The following PLA2G4D variants were observed in gnomAD, a reference collection of about 807,000 sequenced individuals.
PLA2G4D encodes cytosolic phospholipase A2 delta.
In PLA2G4D, 80 loss-of-function variants were observed where a neutral mutation model predicts 94.4. The ratio of observed to expected loss-of-function variants is 0.85; its 90% CI spans 0.71 to 1.02. The LOEUF (loss-of-function observed/expected upper bound fraction) is 1.02, where lower values mean the gene tolerates loss of function less well. Ranked by LOEUF, PLA2G4D falls within the 50% of genes least tolerant of loss-of-function variation. The pLI, the probability that PLA2G4D is intolerant of heterozygous loss-of-function variation, is 0.00. For missense variants in PLA2G4D, 1,050 were observed against 1,034.7 expected (o/e 1.01, Z -0.20); for synonymous variants, 438 against 440.9 (o/e 0.99, Z 0.08).
At position 42,081,927 on chromosome 15, in the gene PLA2G4D, CTTTTTTTT is replaced by C. The variant is rs398027016; in HGVS notation, c.784-101_784-94del. 1.7e-5 allele frequency: 12 copies of C among 704,604 alleles called. No homozygotes were observed. In the East Asian group the frequency reaches 1.9e-4, roughly 11 times the overall value. 43.6% of individuals were successfully genotyped at this position (704,604 alleles called of 1,614,324 possible). A position where few individuals can be genotyped will look rare whatever the true frequency, so the allele number is the denominator to read the frequency against. On this transcript the variant is annotated intron_variant, in intron 9 of 19. Coordinates refer to ENST00000290472, the MANE Select transcript of PLA2G4D (RefSeq NM_178034.4). Reference sequence around the variant, plus strand: ...GGACTTGGTCCCCTTCATCTTCATTCTTTTTTTTTTTTTTTTTTTTTGAGACAGAGTTT... The same window carrying C: ...GGACTTGGTCCCCTTCATCTTCATTCTTTTTTTTTTTTTGAGACAGAGTTT...
Position 42,086,194 on chromosome 15 carries a change from T to TTGGGGGGGGGGGGCCCCC in PLA2G4D, c.387+18_387+19insGGGGGCCCCCCCCCCCCA. 1.5e-6 allele frequency: 2 copies of TTGGGGGGGGGGGGCCCCC among 1,370,440 alleles called. No individual in the cohort carries two copies. Among genetic ancestry groups the TTGGGGGGGGGGGGCCCCC allele is most frequent in the Non-Finnish European group, 9.6e-7 (1 of 1,043,082 alleles). 84.9% of individuals were successfully genotyped at this position (1,370,440 alleles called of 1,614,324 possible). ...GGAAGAAGTGGGGCCCACGGGGACTTCCCCACCCACCCACCCACCTGGGGA... is the reference window on the plus strand; with the variant it reads ...GGAAGAAGTGGGGCCCACGGGGACTTTGGGGGGGGGGGGCCCCCCCCCACCCACCCACCCACCTGGGGA... On this transcript the variant is annotated intron_variant, in intron 4 of 19. Transcript: ENST00000290472.
At chr15:42,085,405 G>T in intron 5 of PLA2G4D, 86 bp downstream of exon 5, 1 of 1,463,288 alleles carries the variant, frequency 6.8e-7, no homozygotes, top group Non-Finnish European at 9.6e-7. Context: ...AGTCAGGCTG[G>T]ACTGACCACA....
chr15:42,073,225 C>T (rs1889861312), intron 13 of PLA2G4D, among the ~76,000 whole-genome samples: 1 of 152,194 alleles, frequency 6.6e-6, no homozygotes, highest in Non-Finnish European at 1.5e-5. Flanking sequence ...TCTCAAATTC[C>T]TGAGCTCAAG....
rs769510865 is a variant in PLA2G4D, at chr15:42,085,625, C to T, written c.388-94G>A. The T allele has an allele frequency of 8.3e-5, 111 of 1,332,100 alleles. No homozygotes were observed. The Middle Eastern group carries it at 1.1e-3, about 13-fold the overall frequency. The allele number at this position is 1,332,100 out of a possible 1,614,324, so 82.5% of individuals were successfully genotyped here. ...ACAGGTGTCATCTCATCCTCTCAAG[C>T]GGTCTCCAAGGGAGGCACGTTAGTA... On this transcript the variant is annotated intron_variant, in intron 4 of 19. Transcript: ENST00000290472.
At position 42,085,226 on chromosome 15, in the gene PLA2G4D, G is replaced by A. The variant is rs1890118740; in HGVS notation, c.429-88C>T. ...GTGGGGTCTCCCTGGGTGATGCTGAGGGCTCTGTAAGTCCTGGATTCGGTT... is the reference window on the plus strand; with the variant it reads ...GTGGGGTCTCCCTGGGTGATGCTGAAGGCTCTGTAAGTCCTGGATTCGGTT... On this transcript the variant is annotated intron_variant, in intron 5 of 19. Transcript: ENST00000290472. 3 of 1,491,492 alleles carry A rather than the reference G, an allele frequency of 2.0e-6. No individual in the cohort carries two copies. In the Admixed American group the frequency reaches 5.1e-5, roughly 25 times the overall value. 92.4% of individuals were successfully genotyped at this position (1,491,492 alleles called of 1,614,324 possible). A position where few individuals can be genotyped will look rare whatever the true frequency, so the allele number is the denominator to read the frequency against.
At position 42,068,735 on chromosome 15, in the gene PLA2G4D, G is replaced by A; in HGVS notation, c.2437C>T (p.Pro813Ser). 6.2e-7 allele frequency: 1 copy of A among 1,608,382 alleles called. No individual in the cohort carries two copies. Among genetic ancestry groups the A allele is most frequent in the Non-Finnish European group, 8.5e-7 (1 of 1,177,228 alleles). Residue 813 changes from proline to serine, a missense_variant, in exon 20 of 20, where the codon CCT (proline) becomes TCT (serine). Transcript: ENST00000290472. ...CAACCTCAGGTCTGTGCCCTTGGAG[G>A]CCTCGCCTCTAGAGTCCGGTGCTTC... is the stretch of plus-strand genomic sequence containing the variant. ...ALKHRTLEAR[P>S]PRAQT
chr15:42,072,486 G>A (rs1595590933), intron 13 of PLA2G4D, 94 bp from the exon 14 acceptor site: 2 of 987,920 alleles, frequency 2.0e-6, no homozygotes, highest in East Asian at 4.8e-5. Context: ...GGACCTGGCT[G>A]GGGGTGAGGA....
In PLA2G4D at chr15:42,071,986, C is replaced by T. The variant is rs1009714142; in HGVS notation, c.1436-75G>A. 3.3e-5 allele frequency: 50 copies of T among 1,532,210 alleles called. No individual in the cohort carries two copies. In the Admixed American group the frequency reaches 9.2e-4, roughly 28 times the overall value. 94.9% of individuals were successfully genotyped at this position (1,532,210 alleles called of 1,614,324 possible). On this transcript the variant is annotated intron_variant, in intron 14 of 19. Transcript: ENST00000290472. ...GAGTCCCCAGCTCTGGCGAAAGACACTGCCCCTGCCCCCAGCAGGCCTGAG... is the reference window on the plus strand; with the variant it reads ...GAGTCCCCAGCTCTGGCGAAAGACATTGCCCCTGCCCCCAGCAGGCCTGAG...
At chr15:42,092,133 C>G (rs999831559) in intron 1 of PLA2G4D, among the ~76,000 whole-genome samples, 2 of 152,124 alleles carry the variant, frequency 1.3e-5, no homozygotes, top group African/African-American at 4.8e-5. Context: ...ACCCACCGAC[C>G]CTGTGGGGCT....
chr15:42,071,487 C>G lies in PLA2G4D; in HGVS notation c.1638G>C (p.Gly546=), dbSNP rs763521202. 1 of 1,613,944 alleles carries G rather than the reference C, an allele frequency of 6.2e-7. No individual in the cohort carries two copies. Among genetic ancestry groups the G allele is most frequent in the South Asian group, 1.1e-5 (1 of 91,066 alleles). ...LDAWYDLTSS[G]ESWKQHIKDK... Reference sequence around the variant, plus strand: ...CCTTGATGTGCTGTTTCCAGGACTCCCCAGAACTGGTGAGGTCATACCAGG... The same window carrying G: ...CCTTGATGTGCTGTTTCCAGGACTCGCCAGAACTGGTGAGGTCATACCAGG... The change falls in exon 16 of 20, where the codon GGG becomes GGC. Residue 546 remains glycine (G), a synonymous_variant. Coordinates refer to ENST00000290472, the MANE Select transcript of PLA2G4D (RefSeq NM_178034.4).
chr15:42,070,693 G>C, intron 18 of PLA2G4D, 24 bp downstream of exon 18: 1 of 1,547,006 alleles, frequency 6.5e-7, no homozygotes, highest in Non-Finnish European at 8.7e-7. Flanking sequence ...GGGCAGAGGG[G>C]TTCCCCTGGG....
rs557848734 is a variant in PLA2G4D at position 42,086,176 on chromosome 15, G to A, written c.387+37C>T. The A allele has an allele frequency of 6.8e-5, 104 of 1,526,224 alleles. 1 individual carries two copies. In the South Asian group the frequency reaches 1.0e-3, roughly 15 times the overall value. 94.5% of individuals were successfully genotyped at this position (1,526,224 alleles called of 1,614,324 possible). A position where few individuals can be genotyped will look rare whatever the true frequency, so the allele number is the denominator to read the frequency against. On this transcript the variant is annotated intron_variant, in intron 4 of 19. Transcript: ENST00000290472. ...CTTCCTCAGCTTGGAGTTGGAAGAA[G>A]TGGGGCCCACGGGGACTTCCCCACC...
chr15:42,068,598 A>T lies in PLA2G4D; in HGVS notation c.*117T>A, dbSNP rs774878747. On this transcript the variant is annotated 3_prime_UTR_variant, in exon 20 of 20. Transcript: ENST00000290472. ...CTCTGGGCAGTGAGACCAGCTACAG[A>T]GGCCACCCAGGCCTGGGAGAGCCCA... is the stretch of plus-strand genomic sequence containing the variant. The T allele has an allele frequency of 3.0e-5, 28 of 931,624 alleles. No individual in the cohort carries two copies. The highest frequency in any genetic ancestry group is 4.4e-5 in the Non-Finnish European group (28 of 629,908). 57.7% of individuals were successfully genotyped at this position (931,624 alleles called of 1,614,324 possible).
intron 1 of PLA2G4D, 146 bp downstream of exon 1, chr15:42,094,269 A>C: frequency 1.2e-6 from 1 of 803,270 alleles, no homozygotes; most frequent in Non-Finnish European, 2.0e-6. Context: ...CACCCACCCC[A>C]CCCACTCTGC....
Position 42,072,150 on chromosome 15 carries a change from A to C in PLA2G4D, c.1435+125T>G, listed in dbSNP as rs556871201. On this transcript the variant is annotated intron_variant, in intron 14 of 19. Coordinates refer to ENST00000290472, the MANE Select transcript of PLA2G4D (RefSeq NM_178034.4). ...AGAGAGATGCCCTGAGCCCCTCAGC[A>C]CCACTGCCCTTCCGGAACATTGGGC... 4.8e-6 allele frequency: 5 copies of C among 1,032,512 alleles called. No homozygotes were observed. The African/African-American group carries it at 6.3e-5, about 13-fold the overall frequency. 64.0% of individuals were successfully genotyped at this position (1,032,512 alleles called of 1,614,324 possible).
chr15:42,070,896 GCAGGATGGT>G lies in PLA2G4D; in HGVS notation c.1877-22_1877-14del. 1 of 1,607,848 alleles carries G rather than the reference GCAGGATGGT, an allele frequency of 6.2e-7. No homozygotes were observed. On this transcript the variant is annotated splice_polypyrimidine_tract_variant and intron_variant, in intron 17 of 19. Transcript: ENST00000290472. ...TCAAGCTGGTAGTCTGGTGGGAATC[GCAGGATGGT>G]CAGAGGCCACCACCCTGCCACAGGT...
In PLA2G4D at chr15:42,087,807, G is replaced by C. The variant is rs1414674499; in HGVS notation, c.46-107C>G. ...CTCACCACTCTCCTGGTACTTGGTG[G>C]TGCTGACACCCCTGCCAGGCGTTCC... On this transcript the variant is annotated intron_variant, in intron 1 of 19. Transcript: ENST00000290472. 5.1e-6 allele frequency: 6 copies of C among 1,185,176 alleles called. 1 individual carries two copies. The highest frequency in any genetic ancestry group is 7.2e-6 in the Non-Finnish European group (6 of 831,960). 73.4% of individuals were successfully genotyped at this position (1,185,176 alleles called of 1,614,324 possible).
chr15:42,093,518 C>A (rs1026133153), intron 1 of PLA2G4D, among the ~76,000 whole-genome samples: 1 of 152,224 alleles, frequency 6.6e-6, no homozygotes, highest in African/African-American at 2.4e-5. Context: ...GTGGACTCCC[C>A]CGCATCCAAA....
intron 1 of PLA2G4D, among the ~76,000 whole-genome samples, chr15:42,088,328 C>T (rs946617190): frequency 2.0e-5 from 3 of 152,140 alleles, no homozygotes; most frequent in Admixed American, 6.5e-5. Flanking sequence ...CTGATGAGGC[C>T]ACATCAGCCA....
Sources: allele counts gnomAD v4.1 joint callset (sites outside exome capture counted in the v4.1 genomes callset), GRCh38; gene constraint gnomAD v4.1.1; transcripts MANE v1.5; gene names NCBI Gene and HGNC (gene_info 2026-07-23, HGNC 2026-07-21).